The following CNOT6 variants were observed in gnomAD, a reference collection of about 807,000 sequenced individuals.
The protein encoded by CNOT6 is carbon catabolite repression 4 protein.
A neutral mutation model predicts 61.2 loss-of-function variants in CNOT6; 12 were observed. The observed-to-expected ratio is 0.20, with a 90% CI of 0.13 to 0.32. CNOT6 has a LOEUF of 0.32. Among genes scored for constraint, CNOT6 ranks in the 10% least tolerant of loss-of-function variants. The pLI is 1.00. For missense variants in CNOT6, 405 were observed against 663.9 expected (o/e 0.61, Z 4.28); for synonymous variants, 225 against 240.6 (o/e 0.94, Z 0.60).
intron 1 of CNOT6, among the ~76,000 whole-genome samples, chr5:180,511,350 G>A (rs1271232880): frequency 2.6e-5 from 4 of 151,970 alleles, no homozygotes; most frequent in African/African-American, 9.7e-5. Context: ...GGTGGCTCAC[G>A]CCTGTAATCC....
At position 180,578,082 on chromosome 5, in the gene CNOT6, C is replaced by T. The variant is rs528586522; in HGVS notation, c.*3882C>T. ...TGAATCTTCTGGGACAGGGTTGTAACTCAGCCTTCCAAAGGGAAGAGTGCA... is the reference window on the plus strand; with the variant it reads ...TGAATCTTCTGGGACAGGGTTGTAATTCAGCCTTCCAAAGGGAAGAGTGCA... On this transcript the variant is annotated 3_prime_UTR_variant, in exon 12 of 12. Transcript: ENST00000261951. The T allele has an allele frequency of 6.5e-6, 1 of 152,732 alleles. No individual in the cohort carries two copies. Among genetic ancestry groups the T allele is most frequent in the African/African-American group, 2.4e-5 (1 of 41,560 alleles). 9.5% of individuals were successfully genotyped at this position (152,732 alleles called of 1,614,324 possible).
At chr5:180,510,047 T>C (rs1757313950) in intron 1 of CNOT6, among the ~76,000 whole-genome samples, 1 of 151,732 alleles carries the variant, frequency 6.6e-6, no homozygotes, top group Admixed American at 6.6e-5. Flanking sequence ...TTGTTGCTGT[T>C]TTTTGTTTGA....
intron 4 of CNOT6, among the ~76,000 whole-genome samples, chr5:180,561,882 G>T (rs770699244): frequency 6.6e-6 from 1 of 152,146 alleles, no homozygotes; most frequent in South Asian, 2.1e-4. Flanking sequence ...GCTCCATATC[G>T]CCTCCTTTCT....
intron 1 of CNOT6, among the ~76,000 whole-genome samples, chr5:180,506,149 A>G (rs535246087): frequency 2.6e-5 from 4 of 152,314 alleles, no homozygotes; most frequent in African/African-American, 9.6e-5. Context: ...CAGCTCTACA[A>G]TTCAGTTACT....
At chr5:180,500,363 C>T (rs747785246) in intron 1 of CNOT6, among the ~76,000 whole-genome samples, 3 of 152,080 alleles carry the variant, frequency 2.0e-5, no homozygotes, top group Admixed American at 6.6e-5. Flanking sequence ...CCTCCTGCCT[C>T]GGCCTCCCAA....
chr5:180,544,691 A>G (rs905805423), intron 2 of CNOT6, among the ~76,000 whole-genome samples: 58 of 152,216 alleles, frequency 3.8e-4, no homozygotes, highest in Admixed American at 2.4e-3. Flanking sequence ...GGCTTTGAAA[A>G]TGAACCGCCA....
At chr5:180,559,613 G>GT (rs1488156462) in intron 4 of CNOT6, among the ~76,000 whole-genome samples, 2 of 152,166 alleles carry the variant, frequency 1.3e-5, no homozygotes, top group Admixed American at 6.6e-5. Flanking sequence ...AAGTTAGGGT[G>GT]TAAGTCGTAA....
At chr5:180,494,787 C>G (rs1420611810) in intron 1 of CNOT6, 24 bp downstream of exon 1, 2 of 151,988 alleles carry the variant, frequency 1.3e-5, no homozygotes, top group Admixed American at 6.5e-5. Context: ...GCCGGAGGCC[C>G]GGTCGGGGCG....
intron 2 of CNOT6, among the ~76,000 whole-genome samples, chr5:180,548,436 A>C (rs1033173141): frequency 5.3e-5 from 8 of 152,234 alleles, no homozygotes; most frequent in Admixed American, 5.2e-4. Context: ...GCCCCATCAG[A>C]TCTCCAGACT....
intron 1 of CNOT6, among the ~76,000 whole-genome samples, chr5:180,497,999 C>T (rs993204232): frequency 5.3e-5 from 8 of 150,226 alleles, no homozygotes; most frequent in African/African-American, 9.8e-5. Flanking sequence ...GCCGAGAGCA[C>T]GCCATTGCAC....
rs140524001 is a variant in CNOT6, at chr5:180,526,078, C to T, written c.-2-3197C>T. Among the ~76,000 whole-genome samples the T allele has an allele frequency of 8.1e-4, 123 of 152,248 alleles. 2 individuals are homozygous for T. In the East Asian group the frequency reaches 0.019, roughly 23 times the overall value. On this transcript the variant is annotated intron_variant, in intron 1 of 11. Coordinates refer to ENST00000261951, the MANE Select transcript of CNOT6 (RefSeq NM_001370472.1). ...ATCTCAAAGCCGTTGGGGTTATAGG[C>T]GTGAGCCATTGTGCCTGGCTACTGG...
chr5:180,538,716 A>ATATATATATATATATATAT (rs1491483600), intron 2 of CNOT6, among the ~76,000 whole-genome samples: 1 of 144,472 alleles, frequency 6.9e-6, no homozygotes, highest in African/African-American at 2.6e-5. Context: ...ATATATATAT[A>ATATATATATATATATATAT]CAAAAAAATT....
chr5:180,497,034 G>C (rs1053099586), intron 1 of CNOT6, among the ~76,000 whole-genome samples: 3 of 152,122 alleles, frequency 2.0e-5, no homozygotes, highest in Non-Finnish European at 4.4e-5. Flanking sequence ...TAGTTTAAAA[G>C]TATGCATTTT....
intron 1 of CNOT6, among the ~76,000 whole-genome samples, chr5:180,501,441 T>G (rs760722745): frequency 2.6e-5 from 4 of 152,216 alleles, no homozygotes; most frequent in Non-Finnish European, 5.9e-5. Context: ...CCTGTTAAGT[T>G]TGACATACCT....
At chr5:180,546,397 T>G (rs1333757940) in intron 2 of CNOT6, among the ~76,000 whole-genome samples, 2 of 152,222 alleles carry the variant, frequency 1.3e-5, no homozygotes, top group African/African-American at 4.8e-5. Flanking sequence ...TTTACCTCCT[T>G]TGTTTGACTT....
In CNOT6 at chr5:180,538,686, GTATATATATA is replaced by G. The variant is rs59342527; in HGVS notation, c.112+9319_112+9328del. On this transcript the variant is annotated intron_variant, in intron 2 of 11. Coordinates refer to ENST00000261951, the MANE Select transcript of CNOT6 (RefSeq NM_001370472.1). ...GAGCGAGACTCTGTCTGAGAAAAAGGTATATATATATATATATATATATATATATACAAAA... is the reference window on the plus strand; with the variant it reads ...GAGCGAGACTCTGTCTGAGAAAAAGGTATATATATATATATATATACAAAA... 5.0e-3 allele frequency among the ~76,000 whole-genome samples: 428 copies of G among 85,102 alleles called. 10 individuals are homozygous for G. The highest frequency in any genetic ancestry group is 0.014 in the Admixed American group (92 of 6,616). 55.8% of individuals were successfully genotyped at this position (85,102 alleles called of 152,430 possible). A position where few individuals can be genotyped will look rare whatever the true frequency, so the allele number is the denominator to read the frequency against.
In CNOT6 at chr5:180,539,791, G is replaced by T. The variant is rs189729031; in HGVS notation, c.113-10140G>T. Among the ~76,000 whole-genome samples the T allele has an allele frequency of 5.0e-4, 76 of 151,602 alleles. 2 individuals are homozygous for T. The East Asian group carries it at 0.014, about 28-fold the overall frequency. ...TTTTTAGTAGAGACAGGGCTTCACC[G>T]TGTTAGCCAGGATGGTCTCCATCTC... is the stretch of plus-strand genomic sequence containing the variant. On this transcript the variant is annotated intron_variant, in intron 2 of 11. Transcript: ENST00000261951.
intron 1 of CNOT6, among the ~76,000 whole-genome samples, chr5:180,513,701 T>A (rs555204291): frequency 5.8e-4 from 81 of 139,800 alleles, no homozygotes; most frequent in East Asian, 1.6e-3. Flanking sequence ...TTATTTATTT[T>A]TATTTATTTA....
intron 2 of CNOT6, among the ~76,000 whole-genome samples, chr5:180,531,922 G>A (rs1012855533): frequency 1.3e-4 from 20 of 152,348 alleles, no homozygotes; most frequent in African/African-American, 4.1e-4. Context: ...GCAGTGAGCC[G>A]AGATGGCGGC....
Sources: allele counts gnomAD v4.1 joint callset (sites outside exome capture counted in the v4.1 genomes callset), GRCh38; gene constraint gnomAD v4.1.1; transcripts MANE v1.5; gene names NCBI Gene and HGNC (gene_info 2026-07-23, HGNC 2026-07-21).